The following RAI14 variants were observed in gnomAD, a reference collection of about 807,000 sequenced individuals.
The protein encoded by RAI14 is retinoic acid induced 14, also known as ankycorbin.
A neutral mutation model predicts 115.4 loss-of-function variants in RAI14; 45 were observed. The ratio of observed to expected loss-of-function variants is 0.39; its 90% CI spans 0.31 to 0.50. The LOEUF is 0.50. Among genes scored for constraint, RAI14 ranks in the 20% least tolerant of loss-of-function variants. RAI14 has a pLI of 0.85. For missense variants in RAI14, 939 were observed against 1,131.2 expected, an observed-to-expected ratio of 0.83 and a Z score of 2.44; for synonymous variants, 371 against 415.4, an observed-to-expected ratio of 0.89 and a Z score of 1.30.
intron 4 of RAI14, among the ~76,000 whole-genome samples, chr5:34,802,550 C>G (rs1163038069): frequency 6.6e-6 from 1 of 152,054 alleles, no homozygotes; most frequent in South Asian, 2.1e-4. Context: ...ATTAGCATAC[C>G]CTCTAATTCA....
chr5:34,716,292 C>T, intron 2 of RAI14: 1 of 275,002 alleles, frequency 3.6e-6, no homozygotes, highest in Non-Finnish European at 7.0e-6. Context: ...TCCCTTTGGG[C>T]TATTCCCCTG....
At chr5:34,757,849 T>A (rs78396611) in intron 3 of RAI14, 260 of 277,576 alleles carry the variant, frequency 9.4e-4, no homozygotes, top group African/African-American at 5.5e-3. Context: ...CAACCAATTG[T>A]AGATGAGACA....
intron 2 of RAI14, among the ~76,000 whole-genome samples, chr5:34,729,781 T>G (rs983299177): frequency 2.0e-5 from 3 of 152,154 alleles, no homozygotes; most frequent in Non-Finnish European, 4.4e-5. Flanking sequence ...ATTAAGAGAC[T>G]CATGAGACAG....
intron 1 of RAI14, among the ~76,000 whole-genome samples, chr5:34,669,502 A>G (rs1180766505): frequency 2.0e-5 from 3 of 152,192 alleles, no homozygotes; most frequent in Non-Finnish European, 2.9e-5. Flanking sequence ...ACTGTGGCAA[A>G]AGAAACAAGG....
chr5:34,687,921 A>T (rs1158431296), intron 2 of RAI14: 7 of 919,134 alleles, frequency 7.6e-6, no homozygotes, highest in Non-Finnish European at 9.8e-6. Context: ...TTATCTCCTG[A>T]GGCTGCATCA....
intron 1 of RAI14, among the ~76,000 whole-genome samples, chr5:34,682,804 A>T (rs1744485274): frequency 6.6e-6 from 1 of 152,214 alleles, no homozygotes; most frequent in Non-Finnish European, 1.5e-5. Context: ...CCTTTTTGGT[A>T]CATACTCGAA....
At chr5:34,679,583 C>T (rs184815627) in intron 1 of RAI14, among the ~76,000 whole-genome samples, 104 of 152,256 alleles carry the variant, frequency 6.8e-4, no homozygotes, top group Non-Finnish European at 1.3e-3. Flanking sequence ...GAATTTGCCT[C>T]CAGGGTACTA....
intron 3 of RAI14, among the ~76,000 whole-genome samples, chr5:34,758,565 T>A (rs557022723): frequency 1.3e-5 from 2 of 152,258 alleles, no homozygotes; most frequent in East Asian, 3.9e-4. Context: ...TTTTTCTTGA[T>A]GAGGATTCTG....
At chr5:34,753,631 T>C (rs1256788778) in intron 2 of RAI14, among the ~76,000 whole-genome samples, 1 of 151,542 alleles carries the variant, frequency 6.6e-6, no homozygotes, top group Non-Finnish European at 1.5e-5. Context: ...AATACAAAAA[T>C]TGGGCCAGGT....
At chr5:34,808,684 G>A in intron 7 of RAI14, 30 bp downstream of exon 7, 1 of 1,596,008 alleles carries the variant, frequency 6.3e-7, no homozygotes. Flanking sequence ...TAGAGGCAGA[G>A]GTAGACATTG....
chr5:34,810,829 C>G (rs1264010657), intron 7 of RAI14, among the ~76,000 whole-genome samples, 183 bp from the exon 8 acceptor site: 1 of 151,952 alleles, frequency 6.6e-6, no homozygotes, highest in Non-Finnish European at 1.5e-5. Context: ...AATTCCATAA[C>G]AAGAGTTGTG....
rs187204662 is a variant in RAI14 at position 34,751,395 on chromosome 5, G to A, written c.37-6073G>A. On this transcript the variant is annotated intron_variant, in intron 2 of 17. Transcript: ENST00000265109. ...TGACCTCAAGTGATCTGCCCACCTC[G>A]GCCTCCCAAAGTGTTGGGATTACAG... Among the ~76,000 whole-genome samples the A allele has an allele frequency of 4.0e-3, 599 of 151,192 alleles. 2 individuals carry two copies. The highest frequency in any genetic ancestry group is 8.1e-3 in the Admixed American group (123 of 15,202).
At chr5:34,687,292 T>C (rs965331034) in intron 2 of RAI14, among the ~76,000 whole-genome samples, 1 of 152,188 alleles carries the variant, frequency 6.6e-6, no homozygotes, top group Non-Finnish European at 1.5e-5. Context: ...ATTCAGAATG[T>C]CGTTTTTAGA....
At chr5:34,789,600 C>T (rs1752694805) in intron 3 of RAI14, among the ~76,000 whole-genome samples, 1 of 152,160 alleles carries the variant, frequency 6.6e-6, no homozygotes, top group South Asian at 2.1e-4. Context: ...CTCCTTTCCC[C>T]TCTCTTCGTT....
Position 34,802,325 on chromosome 5 carries a change from G to C in RAI14, c.257-1387G>C, listed in dbSNP as rs373036015. On this transcript the variant is annotated intron_variant, in intron 4 of 17. Transcript: ENST00000265109. ...AACACGCCCGATCTCGTCTGATCTC[G>C]GAAGCTAAGCAGGGTCGGGCCTGGT... Among the ~76,000 whole-genome samples, 178 of 152,282 alleles carry C rather than the reference G, an allele frequency of 1.2e-3. 1 individual carries two copies. Among genetic ancestry groups the C allele is most frequent in the African/African-American group, 4.1e-3 (172 of 41,552 alleles).
intron 2 of RAI14, among the ~76,000 whole-genome samples, chr5:34,756,729 C>G (rs1371329844): frequency 6.6e-6 from 1 of 152,140 alleles, no homozygotes; most frequent in Non-Finnish European, 1.5e-5. Context: ...CCCATCTGCT[C>G]TTATATAGAA....
chr5:34,676,622 T>C (rs1379557868), intron 1 of RAI14, among the ~76,000 whole-genome samples: 1 of 152,192 alleles, frequency 6.6e-6, no homozygotes, highest in Non-Finnish European at 1.5e-5. Context: ...CAATTTTGTG[T>C]CAGTCAGTGC....
rs1343151674 is a variant in RAI14, at chr5:34,823,713, G to C, written c.1871G>C (p.Ser624Thr). Reference sequence around the variant, plus strand: ...AAAAGTCAGATGACACAGGAAGCCAGTGATGAAGCTGAGGACATGAAAGAA... The same window carrying C: ...AAAAGTCAGATGACACAGGAAGCCACTGATGAAGCTGAGGACATGAAAGAA... ...TLKSQMTQEA[S>T]DEAEDMKEAM... Residue 624 changes from serine to threonine, a missense_variant, in exon 15 of 18, where the codon AGT becomes ACT. Transcript: ENST00000265109. The surrounding 1 kb of genome is among the most constrained non-coding windows in gnomAD (Gnocchi z 4.5). 1.9e-6 allele frequency: 3 copies of C among 1,614,216 alleles called. No individual in the cohort carries two copies. The highest frequency in any genetic ancestry group is 8.5e-7 in the Non-Finnish European group (1 of 1,180,048).
intron 1 of RAI14, among the ~76,000 whole-genome samples, chr5:34,666,153 A>C (rs1470415771): frequency 1.3e-5 from 2 of 152,150 alleles, no homozygotes; most frequent in Admixed American, 1.3e-4. Context: ...AACAGGAAGG[A>C]ATGGAGATGT....
Sources: allele counts gnomAD v4.1 joint callset (sites outside exome capture counted in the v4.1 genomes callset), GRCh38; gene constraint gnomAD v4.1.1; non-coding constraint Gnocchi (gnomAD v3.1); transcripts MANE v1.5; gene names NCBI Gene and HGNC (gene_info 2026-07-23, HGNC 2026-07-21).